Variants in FAM3D observed in about 807,000 individuals in gnomAD.
FAM3D encodes FAM3 metabolism regulating signaling molecule D, also known as protein FAM3D.
FAM3D carries 26 observed loss-of-function variants against 29.8 expected under a neutral mutation model. The observed-to-expected ratio is 0.87, with a 90% CI of 0.64 to 1.21. The LOEUF (loss-of-function observed/expected upper bound fraction) is 1.21. FAM3D is among the 50% of genes most tolerant of loss of function. FAM3D has a pLI of 0.00. For synonymous variants in FAM3D, 115 were observed against 102.3 expected (o/e 1.12, Z -0.75); for missense variants, 253 against 290.9 (o/e 0.87, Z 0.95).
In FAM3D at chr3:58,635,508, G is replaced by A. The variant is rs114988218; in HGVS notation, c.585+786C>T. On this transcript the variant is annotated intron_variant, in intron 9 of 9. Coordinates refer to ENST00000358781, the MANE Select transcript of FAM3D (RefSeq NM_138805.3). This position sits in a 1 kb window ranked among gnomAD's most constrained non-coding sequence, Gnocchi z 5.2. ...ACTCCCACGCCTCCTCTGTCTTGCC[G>A]GTTCCCCTGGGTCTGGAGCCCACGC... Among the ~76,000 whole-genome samples the A allele has an allele frequency of 4.9e-4, 75 of 152,200 alleles. No individual in the cohort carries two copies. Among genetic ancestry groups the A allele is most frequent in the African/African-American group, 1.7e-3 (70 of 41,536 alleles).
At chr3:58,638,162 G>T (rs971681744) in intron 7 of FAM3D, among the ~76,000 whole-genome samples, 1 of 152,160 alleles carries the variant, frequency 6.6e-6, no homozygotes, top group African/African-American at 2.4e-5. Context: ...GGGATTACAG[G>T]CATAAGCCAC....
chr3:58,652,669 T>A lies in FAM3D; in HGVS notation c.121+1005A>T, dbSNP rs140236186. 2.6e-3 allele frequency among the ~76,000 whole-genome samples: 397 copies of A among 150,610 alleles called. 3 individuals are homozygous for A. The highest frequency in any genetic ancestry group is 9.2e-3 in the African/African-American group (375 of 40,844). On this transcript the variant is annotated intron_variant, in intron 3 of 9. Coordinates refer to ENST00000358781, the MANE Select transcript of FAM3D (RefSeq NM_138805.3). ...ATCCATCTACTTATCCCTCCATCTA[T>A]CCATCCAGCCATTCACACATTCACC...
chr3:58,635,080 C>T lies in FAM3D; in HGVS notation c.586-712G>A, dbSNP rs573574587. The stretch of plus-strand genomic sequence containing the variant: ...GTCCCAGCTACTCAGGAGGCAGAGG[C>T]GGGAGGATCGCTTGAGCCCAGGAGG... On this transcript the variant is annotated intron_variant, in intron 9 of 9. Transcript: ENST00000358781. The surrounding 1 kb of genome is among the most constrained non-coding windows in gnomAD (Gnocchi z 5.2). Among the ~76,000 whole-genome samples the T allele has an allele frequency of 1.1e-4, 17 of 152,128 alleles. No individual in the cohort carries two copies. Among genetic ancestry groups the T allele is most frequent in the East Asian group, 3.9e-4 (2 of 5,172 alleles).
intron 1 of FAM3D, 69 bp from the exon 2 acceptor site, chr3:58,655,670 G>A: frequency 3.1e-6 from 4 of 1,296,668 alleles, no homozygotes; most frequent in Non-Finnish European, 4.3e-6. Flanking sequence ...TGAAGATGAG[G>A]GAAAGGGACC....
intron 6 of FAM3D, among the ~76,000 whole-genome samples, chr3:58,641,312 A>G (rs2066325927): frequency 6.6e-6 from 1 of 151,886 alleles, no homozygotes; most frequent in African/African-American, 2.4e-5. Flanking sequence ...GACTCGATCC[A>G]GGTTCAAACG....
chr3:58,647,200 C>G (rs1185764654), intron 4 of FAM3D, among the ~76,000 whole-genome samples: 1 of 152,224 alleles, frequency 6.6e-6, no homozygotes, highest in Admixed American at 6.5e-5. Context: ...TGAACTCAAA[C>G]CATGACATTG....
chr3:58,655,726 C>T (rs1175681837), intron 1 of FAM3D, 125 bp from the exon 2 acceptor site: 20 of 710,182 alleles, frequency 2.8e-5, no homozygotes, highest in Non-Finnish European at 4.5e-5. Flanking sequence ...TCCTCACCAC[C>T]TGCCATATGA....
At chr3:58,655,494 A>C in intron 2 of FAM3D, 57 bp downstream of exon 2, 1 of 1,609,068 alleles carries the variant, frequency 6.2e-7, no homozygotes. Flanking sequence ...CTGTGAGCCC[A>C]GGATGGGTGG....
chr3:58,655,641 G>A (rs2066773089), intron 1 of FAM3D, 40 bp from the exon 2 acceptor site: 4 of 1,537,052 alleles, frequency 2.6e-6, no homozygotes, highest in Non-Finnish European at 3.6e-6. Flanking sequence ...CTGGCATCAG[G>A]TCTGCAAGTG....
intron 1 of FAM3D, among the ~76,000 whole-genome samples, chr3:58,660,493 C>G (rs74836241): frequency 0.29 from 44,541 of 152,098 alleles, 6,650 homozygotes; most frequent in East Asian, 0.39. Context: ...CCAATACAGA[C>G]GGGGAGATAA....
At position 58,646,664 on chromosome 3, in the gene FAM3D, C is replaced by A. The variant is rs544879885; in HGVS notation, c.146-1038G>T. Among the ~76,000 whole-genome samples the A allele has an allele frequency of 2.6e-5, 4 of 152,238 alleles. No homozygotes were observed. The East Asian group carries it at 7.7e-4, about 29-fold the overall frequency. ...GGTTGGGCAGCCTTTCCCTCCCCAG[C>A]CCCTGTGCCAGGCATCTGGCCAAGG... On this transcript the variant is annotated intron_variant, in intron 4 of 9. Coordinates refer to ENST00000358781, the MANE Select transcript of FAM3D (RefSeq NM_138805.3).
rs112585589 is a variant in FAM3D, at chr3:58,643,608, C to T, written c.322+54G>A. On this transcript the variant is annotated intron_variant, in intron 6 of 9. Transcript: ENST00000358781. ...TGGTTGAATGAATATGCCGCTACCC[C>T]CTACCCTCCCTGGTTCTGGGTGGGA... The T allele has an allele frequency of 7.4e-4, 1,161 of 1,570,792 alleles. 12 individuals are homozygous for T. The African/African-American group carries it at 0.013, about 18-fold the overall frequency.
At chr3:58,646,738 TTGCACATGCCAAGACCTTGCTGCA>T (rs1247929197) in intron 4 of FAM3D, among the ~76,000 whole-genome samples, 1 of 152,230 alleles carries the variant, frequency 6.6e-6, no homozygotes, top group Non-Finnish European at 1.5e-5. Context: ...TTAAGGAAGC[TTGCACATGCCAAGACCTTGCTGCA>T]TGCAAGGCAC....
At chr3:58,644,964 C>G (rs2066434091) in intron 5 of FAM3D, among the ~76,000 whole-genome samples, 1 of 152,228 alleles carries the variant, frequency 6.6e-6, no homozygotes, top group Non-Finnish European at 1.5e-5. Context: ...GTTCAGAATC[C>G]TGGTTTAAAC....
chr3:58,659,930 T>C (rs1001020860), intron 1 of FAM3D, among the ~76,000 whole-genome samples: 2 of 152,264 alleles, frequency 1.3e-5, no homozygotes, highest in Non-Finnish European at 2.9e-5. Context: ...CGGGAAATTC[T>C]GCAGACAGAG....
intron 7 of FAM3D, among the ~76,000 whole-genome samples, chr3:58,639,181 C>T (rs943742610): frequency 3.9e-5 from 6 of 152,052 alleles, no homozygotes; most frequent in South Asian, 2.1e-4. Flanking sequence ...GTCATCTGGA[C>T]GGAATGAGGG....
intron 2 of FAM3D, 30 bp from the exon 3 acceptor site, chr3:58,653,811 C>G (rs2066715716): frequency 6.4e-7 from 1 of 1,573,358 alleles, no homozygotes; most frequent in African/African-American, 1.3e-5. Flanking sequence ...TGCCAGGAGA[C>G]CACAGAGCCA....
rs528664400 is a variant in FAM3D at position 58,639,344 on chromosome 3, C to G, written c.373+783G>C. On this transcript the variant is annotated intron_variant, in intron 7 of 9. Transcript: ENST00000358781. ...TATGGAGTGGAAACTATAGCTGCCT[C>G]TATGTCACAGATGAAGAAACTGAGG... is the stretch of plus-strand genomic sequence containing the variant. Among the ~76,000 whole-genome samples, 6 of 152,322 alleles carry G rather than the reference C, an allele frequency of 3.9e-5. No individual in the cohort carries two copies. In the South Asian group the frequency reaches 6.2e-4, roughly 16 times the overall value.
chr3:58,641,517 G>C (rs2066334443), intron 6 of FAM3D, among the ~76,000 whole-genome samples: 1 of 152,012 alleles, frequency 6.6e-6, no homozygotes, highest in South Asian at 2.1e-4. Flanking sequence ...ACCACACCCA[G>C]CTAATTTTTT....
Sources: allele counts gnomAD v4.1 joint callset (sites outside exome capture counted in the v4.1 genomes callset), GRCh38; gene constraint gnomAD v4.1.1; non-coding constraint Gnocchi (gnomAD v3.1); transcripts MANE v1.5; gene names NCBI Gene and HGNC (gene_info 2026-07-23, HGNC 2026-07-21).